The following LRP1 variants were observed in gnomAD, a reference collection of about 807,000 sequenced individuals.
LRP1 encodes LDL receptor related protein 1.
A neutral mutation model predicts 541.5 loss-of-function variants in LRP1; 51 were observed. The ratio of observed to expected loss-of-function variants is 0.09; its 90% CI spans 0.08 to 0.12. LRP1 has a LOEUF of 0.12. Ranked by LOEUF, LRP1 falls within the 10% of genes least tolerant of loss-of-function variation. LRP1 has a pLI of 1.00. For missense variants in LRP1, 3,878 were observed against 6,376.2 expected (o/e 0.61, Z 13.34); for synonymous variants, 2,219 against 2,470.8 (o/e 0.90, Z 3.02).
At chr12:57,160,061 A>G in intron 12 of LRP1, 56 bp downstream of exon 12, 1 of 1,563,390 alleles carries the variant, frequency 6.4e-7, no homozygotes, top group Non-Finnish European at 8.8e-7. Context: ...GGCCTCAGAT[A>G]ACTGGAGGAT....
In LRP1 at chr12:57,158,315, G is replaced by T; in HGVS notation, c.1562-87G>T. On this transcript the variant is annotated intron_variant, in intron 10 of 88. Coordinates refer to ENST00000243077, the MANE Select transcript of LRP1 (RefSeq NM_002332.3). The surrounding 1 kb of genome is among the most constrained non-coding windows in gnomAD (Gnocchi z 5.3). Reference sequence around the variant, plus strand: ...ACGTCTCCTGACCCATCACAGCTAGGGCATTGCAGCCCCTTGGCCGCAGCC... The same window carrying T: ...ACGTCTCCTGACCCATCACAGCTAGTGCATTGCAGCCCCTTGGCCGCAGCC... 9.3e-7 allele frequency: 1 copy of T among 1,079,012 alleles called. No homozygotes were observed. Among genetic ancestry groups the T allele is most frequent in the Non-Finnish European group, 1.4e-6 (1 of 727,470 alleles). 66.8% of individuals were successfully genotyped at this position (1,079,012 alleles called of 1,614,324 possible). A position where few individuals can be genotyped will look rare whatever the true frequency, so the allele number is the denominator to read the frequency against.
Position 57,179,486 on chromosome 12 carries a change from T to C in LRP1, c.4896T>C (p.Ser1632=), listed in dbSNP as rs1419146194. 6.2e-7 allele frequency: 1 copy of C among 1,614,114 alleles called. No individual in the cohort carries two copies. Among genetic ancestry groups the C allele is most frequent in the African/African-American group, 1.3e-5 (1 of 74,950 alleles). The change falls in exon 29 of 89, where the codon TCT becomes TCC. Residue 1632 remains serine, a synonymous_variant. Coordinates refer to ENST00000243077, the MANE Select transcript of LRP1 (RefSeq NM_002332.3). This position sits in a 1 kb window ranked among gnomAD's most constrained non-coding sequence, Gnocchi z 6.8. ...CCCGCGAGCAGCGTGTGTACTGGTC[T>C]GACGTGCGGACACAGGCCATCAAGC... is the stretch of plus-strand genomic sequence containing the variant. ...YDAREQRVYW[S]DVRTQAIKRA...
Position 57,201,213 on chromosome 12 carries a change from A to G in LRP1, c.10345+60A>G. On this transcript the variant is annotated intron_variant, in intron 65 of 88. Transcript: ENST00000243077. The surrounding 1 kb of genome is among the most constrained non-coding windows in gnomAD (Gnocchi z 6.4). Reference sequence around the variant, plus strand: ...GAGATGACACGGAAGCAGGGCAGGCAGAATCTCCCCACAGCTTTGAGAGGC... The same window carrying G: ...GAGATGACACGGAAGCAGGGCAGGCGGAATCTCCCCACAGCTTTGAGAGGC... 1 of 1,606,808 alleles carries G rather than the reference A, an allele frequency of 6.2e-7. No homozygotes were observed. Among genetic ancestry groups the G allele is most frequent in the African/African-American group, 1.3e-5 (1 of 74,976 alleles).
chr12:57,208,943 C>T, intron 78 of LRP1, 126 bp downstream of exon 78: 1 of 1,063,956 alleles, frequency 9.4e-7, no homozygotes, highest in Non-Finnish European at 1.4e-6. Flanking sequence ...GGCAGATTGG[C>T]CGTGGAGGCT....
chr12:57,200,414 A>AACCCCCTTTCCCCC, intron 62 of LRP1, 28 bp from the exon 63 acceptor site: 1 of 1,294,090 alleles, frequency 7.7e-7, no homozygotes, highest in Non-Finnish European at 1.1e-6. Context: ...ACCCCCACCA[A>AACCCCCTTTCCCCC]CCCCTCTTGC....
At chr12:57,146,821 T>C (rs1179805959) in intron 6 of LRP1, 1 of 152,396 alleles carries the variant, frequency 6.6e-6, no homozygotes, top group East Asian at 1.9e-4. Flanking sequence ...GGGAACCCCA[T>C]GGCTGATGGG....
rs773731712 is a variant in LRP1 at position 57,162,838 on chromosome 12, C to T, written c.2405-20C>T. On this transcript the variant is annotated intron_variant, in intron 14 of 88. Coordinates refer to ENST00000243077, the MANE Select transcript of LRP1 (RefSeq NM_002332.3). This position sits in a 1 kb window ranked among gnomAD's most constrained non-coding sequence, Gnocchi z 5.2. ...TCACCTCTTCCTCCCTTTGCCTTTC[C>T]CCATGGCCCTTCCCCACAGTTGGCA... The T allele has an allele frequency of 1.6e-5, 26 of 1,598,650 alleles. No homozygotes were observed. The East Asian group carries it at 5.4e-4, about 33-fold the overall frequency.
chr12:57,195,848 C>G lies in LRP1; in HGVS notation c.8561-15C>G, dbSNP rs1341394766. The G allele has an allele frequency of 1.2e-6, 2 of 1,613,982 alleles. No individual in the cohort carries two copies. On this transcript the variant is annotated splice_polypyrimidine_tract_variant and intron_variant, in intron 53 of 88. Coordinates refer to ENST00000243077, the MANE Select transcript of LRP1 (RefSeq NM_002332.3). ...GGGCCAGGGCATCAGCCTCACAGGTCCATTCCTCCCCCAGAGTACCCGACC... is the reference window on the plus strand; with the variant it reads ...GGGCCAGGGCATCAGCCTCACAGGTGCATTCCTCCCCCAGAGTACCCGACC...
rs375517607 is a variant in LRP1, at chr12:57,187,422, C to G, written c.6997C>G (p.His2333Asp). ...CGTCATCACTATGTCTGGAGATGAC[C>G]ACCCACGGGCCTTCGTTTTGGACGA... Reference protein sequence around the residue: ...ETVITMSGDDHPRAFVLDECQ... With the variant: ...ETVITMSGDDDPRAFVLDECQ... Residue 2333 changes from histidine to aspartate, a missense_variant, in exon 42 of 89, where the codon CAC becomes GAC. By Grantham distance (81) the His-to-Asp change is moderately conservative (BLOSUM62 -1). Coordinates refer to ENST00000243077, the MANE Select transcript of LRP1 (RefSeq NM_002332.3). 7 of 1,613,910 alleles carry G rather than the reference C, an allele frequency of 4.3e-6. No homozygotes were observed. Among genetic ancestry groups the G allele is most frequent in the Non-Finnish European group, 5.9e-6 (7 of 1,179,982 alleles).
In LRP1 at chr12:57,205,341, T is replaced by C. The variant is rs1470446646; in HGVS notation, c.11336-10T>C. 1.3e-6 allele frequency: 2 copies of C among 1,597,920 alleles called. No homozygotes were observed. Among genetic ancestry groups the C allele is most frequent in the Non-Finnish European group, 1.7e-6 (2 of 1,172,024 alleles). ...CTCAAGGGAGGGCATCCACTCTCTG[T>C]CCCCCACAGACCCCAAGCTGACCAG... On this transcript the variant is annotated splice_polypyrimidine_tract_variant and intron_variant, in intron 73 of 88. Coordinates refer to ENST00000243077, the MANE Select transcript of LRP1 (RefSeq NM_002332.3). The surrounding 1 kb of genome is among the most constrained non-coding windows in gnomAD (Gnocchi z 4.6).
chr12:57,175,810 C>T (rs977544231), intron 23 of LRP1, 99 bp from the exon 24 acceptor site: 2 of 1,560,950 alleles, frequency 1.3e-6, no homozygotes, highest in Admixed American at 1.7e-5. Flanking sequence ...TCCACCCTAG[C>T]CCCCAGTGCC....
intron 52 of LRP1, 124 bp from the exon 53 acceptor site, chr12:57,195,534 G>C: frequency 1.9e-6 from 3 of 1,573,608 alleles, no homozygotes; most frequent in Non-Finnish European, 2.6e-6. Flanking sequence ...CTGTAGCCCA[G>C]GTGTCCAGAC....
At chr12:57,169,099 C>A in intron 19 of LRP1, 41 bp from the exon 20 acceptor site, 1 of 1,566,930 alleles carries the variant, frequency 6.4e-7, no homozygotes, top group Non-Finnish European at 8.7e-7. Context: ...GCTGCTCCAC[C>A]AACTCCCGCT....
In LRP1 at chr12:57,160,955, G is replaced by C; in HGVS notation, c.2042G>C (p.Arg681Thr). ...GACAGTCGGCGTGGGCGGCTGGAGA[G>C]GGCGTGGATGGATGGCTCACACCGA... ...PKDSRRGRLE[R>T]AWMDGSHRDI... is the part of the protein sequence containing the mutation. The change falls in exon 13 of 89, where the codon AGG becomes ACG. Residue 681 changes from arginine (R) to threonine (T), a missense_variant. Around this residue, in one of 13 missense-constraint regions of LRP1, gnomAD observed 496 missense variants for 861.0 expected, o/e 0.58. Coordinates refer to ENST00000243077, the MANE Select transcript of LRP1 (RefSeq NM_002332.3). 6.2e-7 allele frequency: 1 copy of C among 1,611,918 alleles called. No individual in the cohort carries two copies. Among genetic ancestry groups the C allele is most frequent in the Non-Finnish European group, 8.5e-7 (1 of 1,179,376 alleles).
rs1287587817 is a variant in LRP1 at position 57,205,443 on chromosome 12, C to T, written c.11428C>T (p.Arg3810Cys). 6.2e-7 allele frequency: 1 copy of T among 1,611,132 alleles called. No homozygotes were observed. The highest frequency in any genetic ancestry group is 8.5e-7 in the Non-Finnish European group (1 of 1,179,468). Residue 3810 changes from arginine (R) to cysteine (C), a missense_variant, in exon 74 of 89, where the codon CGC (arginine) becomes TGC (cysteine). This residue lies in a region of LRP1 where 871 missense variants were observed against 1,212.4 expected (regional missense o/e 0.72). Transcript: ENST00000243077. The surrounding 1 kb of genome is among the most constrained non-coding windows in gnomAD (Gnocchi z 4.6). ...RTEKAAYCAC[R>C]SGFHTVPGQP... ...CGAGAAAGCGGCCTACTGTGCCTGC[C>T]GCTCGGGCTTCCACACCGTGCCCGG...
chr12:57,188,879 G>A (rs573494780), intron 42 of LRP1, among the ~76,000 whole-genome samples: 1 of 152,326 alleles, frequency 6.6e-6, no homozygotes, highest in Admixed American at 6.5e-5. Flanking sequence ...GAGTGGCTGG[G>A]TGGGAGCATG....
rs1288840108 is a variant in LRP1, at chr12:57,135,714, C to A, written c.68-2745C>A. Among the ~76,000 whole-genome samples, 5 of 152,196 alleles carry A rather than the reference C, an allele frequency of 3.3e-5. No individual in the cohort carries two copies. The East Asian group carries it at 9.6e-4, about 29-fold the overall frequency. On this transcript the variant is annotated intron_variant, in intron 1 of 88. Transcript: ENST00000243077. ...GGGCCCTCCTCTTCCTTTCACTTGTCCCATCCCCCATCCCCTCCCTGCAAG... is the reference window on the plus strand; with the variant it reads ...GGGCCCTCCTCTTCCTTTCACTTGTACCATCCCCCATCCCCTCCCTGCAAG...
At chr12:57,182,839 C>CAAAAG (rs1333852984) in intron 34 of LRP1, among the ~76,000 whole-genome samples, 16 of 151,878 alleles carry the variant, frequency 1.1e-4, no homozygotes, top group African/African-American at 2.9e-4. Flanking sequence ...CAAAGAAAAA[C>CAAAAG]AAAAGAAAAG....
intron 6 of LRP1, among the ~76,000 whole-genome samples, chr12:57,152,647 G>A (rs1246555298): frequency 2.0e-5 from 3 of 152,204 alleles, no homozygotes; most frequent in African/African-American, 7.2e-5. Context: ...ATCTTGTGAG[G>A]ATGGGACAGT....
Sources: gnomAD v4.1 joint callset for allele counts (sites outside exome capture counted in the v4.1 genomes callset) on GRCh38, gnomAD v4.1.1 for gene constraint, gnomAD v4.1.1 regional missense constraint, Gnocchi (gnomAD v3.1) non-coding constraint, MANE v1.5 for transcripts, NCBI Gene and HGNC (gene_info 2026-07-23, HGNC 2026-07-21) for gene names.